BUD13: variants seen among roughly 807,000 people sequenced by gnomAD.
BUD13 encodes the protein BUD13 spliceosome associated protein.
In BUD13, 47 loss-of-function variants were observed where a neutral mutation model predicts 62.5. That is an observed-to-expected ratio of 0.75 (90% confidence interval 0.60 to 0.96). The LOEUF (loss-of-function observed/expected upper bound fraction) is 0.96, where lower values mean the gene tolerates loss of function less well. BUD13 is among the 40% of genes least tolerant of loss of function. BUD13 has a pLI of 0.00. For synonymous variants in BUD13, 293 were observed against 280.1 expected, an observed-to-expected ratio of 1.05 and a Z score of -0.46; for missense variants, 821 against 790.9, an observed-to-expected ratio of 1.04 and a Z score of -0.46.
rs535713411 is a variant in BUD13, at chr11:116,752,068, C to T, written c.1767-3493G>A. On this transcript the variant is annotated intron_variant, in intron 9 of 9. Coordinates refer to ENST00000260210, the MANE Select transcript of BUD13 (RefSeq NM_032725.4). Reference sequence around the variant, plus strand: ...ACGCCATTCTCCTGCCTCAGCCTTCCGAGCAGCTGGGACTACAGGCGCCCG... The same window carrying T: ...ACGCCATTCTCCTGCCTCAGCCTTCTGAGCAGCTGGGACTACAGGCGCCCG... 6.6e-5 allele frequency among the ~76,000 whole-genome samples: 10 copies of T among 152,242 alleles called. No individual in the cohort carries two copies. The South Asian group carries it at 1.9e-3, about 28-fold the overall frequency.
At chr11:116,750,383 G>A (rs943991277) in intron 9 of BUD13, among the ~76,000 whole-genome samples, 2 of 152,148 alleles carry the variant, frequency 1.3e-5, no homozygotes, top group South Asian at 2.1e-4. Context: ...TTCTTAAAAA[G>A]CCTGTATTCA....
Position 116,770,151 on chromosome 11 carries a change from T to G in BUD13, c.215A>C (p.Glu72Ala). The change falls in exon 2 of 10, where the codon GAA (glutamate) becomes GCA (alanine). Residue 72 changes from glutamate to alanine, a missense_variant. By Grantham distance (107) the Glu-to-Ala change is moderately radical. Coordinates refer to ENST00000260210, the MANE Select transcript of BUD13 (RefSeq NM_032725.4). ...TACCACAGGCAAATCTCCATCATCT[T>G]CCTCTTCCTCCTTTTCTAGTTTGGT... ...STTKLEKEEEEDDGDLPVVAE... is the reference protein window; with the variant it reads ...STTKLEKEEEADDGDLPVVAE... The G allele has an allele frequency of 6.2e-7, 1 of 1,613,478 alleles. No homozygotes were observed. The highest frequency in any genetic ancestry group is 8.5e-7 in the Non-Finnish European group (1 of 1,179,688).
Position 116,772,811 on chromosome 11 carries a change from T to TA in BUD13, c.143+10dup. On this transcript the variant is annotated intron_variant, in intron 1 of 9. Transcript: ENST00000260210. ...ACGTCGCAGGCCCCGCCCCGGCCGG[T>TA]ACCAACTCACCCCTTGCCGCCGGCC... The TA allele has an allele frequency of 6.4e-7, 1 of 1,562,194 alleles. No individual in the cohort carries two copies. The highest frequency in any genetic ancestry group is 8.6e-7 in the Non-Finnish European group (1 of 1,158,104).
chr11:116,757,178 G>C lies in BUD13; in HGVS notation c.1734C>G (p.Ile578Met). The C allele has an allele frequency of 6.2e-7, 1 of 1,614,218 alleles. No homozygotes were observed. Among genetic ancestry groups the C allele is most frequent in the Non-Finnish European group, 8.5e-7 (1 of 1,180,028 alleles). Residue 578 changes from isoleucine (I) to methionine (M), a missense_variant, in exon 9 of 10, where the codon ATC becomes ATG. This residue lies in a region of BUD13 where 800 missense variants were observed against 739.2 expected (regional missense o/e 1.08). Coordinates refer to ENST00000260210, the MANE Select transcript of BUD13 (RefSeq NM_032725.4). ...CTCCGTCCCAGCGATATCCAGGCCA[G>C]ATATTAAATCTGTTGGGAGGAGGTG... ...GPAPPPNRFNIWPGYRWDGVD... is the reference protein window; with the variant it reads ...GPAPPPNRFNMWPGYRWDGVD...
chr11:116,748,722 T>A (rs1382602836), intron 9 of BUD13, 147 bp from the exon 10 acceptor site: 1 of 825,132 alleles, frequency 1.2e-6, no homozygotes, highest in Non-Finnish European at 1.9e-6. Context: ...GCACGGCGGC[T>A]CACGCCTGTA....
In BUD13 at chr11:116,765,468, A is replaced by G. The variant is rs372174445; in HGVS notation, c.238-22T>C. The G allele has an allele frequency of 6.0e-5, 97 of 1,613,428 alleles. No homozygotes were observed. In the African/African-American group the frequency reaches 1.0e-3, roughly 17 times the overall value. ...CCACCTGTGAGAGTAAAGATTTCCT[A>G]TCTTAGGAAATCCACAGGATCCAGC... On this transcript the variant is annotated intron_variant, in intron 2 of 9. Transcript: ENST00000260210.
intron 6 of BUD13, among the ~76,000 whole-genome samples, 182 bp downstream of exon 6, chr11:116,758,892 G>A (rs972270821): frequency 8.6e-5 from 13 of 151,904 alleles, no homozygotes; most frequent in African/African-American, 2.7e-4. Flanking sequence ...GCGCCTGGGC[G>A]AAATGGCATT....
intron 1 of BUD13, among the ~76,000 whole-genome samples, chr11:116,771,098 A>C (rs1434162754): frequency 6.6e-6 from 1 of 152,184 alleles, no homozygotes. Context: ...ACTCTTCCTC[A>C]TTCTTCAGGT....
intron 2 of BUD13, among the ~76,000 whole-genome samples, chr11:116,769,147 G>C (rs985837844): frequency 2.0e-5 from 3 of 151,952 alleles, no homozygotes; most frequent in Non-Finnish European, 4.4e-5. Flanking sequence ...GAAATTCTCA[G>C]CAATGGTTTC....
chr11:116,758,490 T>C, intron 6 of BUD13, 83 bp from the exon 7 acceptor site: 2 of 1,462,238 alleles, frequency 1.4e-6, no homozygotes, highest in Non-Finnish European at 1.8e-6. Context: ...CTTGGGATTC[T>C]AATGCTAGAT....
chr11:116,763,247 G>C lies in BUD13; in HGVS notation c.342C>G (p.Pro114=), dbSNP rs972709697. 1 of 1,540,770 alleles carries C rather than the reference G, an allele frequency of 6.5e-7. No homozygotes were observed. The highest frequency in any genetic ancestry group is 8.7e-7 in the Non-Finnish European group (1 of 1,144,154). The change falls in exon 4 of 10, where the codon CCC becomes CCG. Residue 114 remains proline (P), a synonymous_variant. Coordinates refer to ENST00000260210, the MANE Select transcript of BUD13 (RefSeq NM_032725.4). ...TATCGTGACGAAAATGTCTGTTTGA[G>C]GGTAGGTCTTCGTTGTGGCCTAAAC... ...KLLGGHNEDL[P]SNRHFRHDTP...
intron 7 of BUD13, 82 bp from the exon 8 acceptor site, chr11:116,758,032 T>G: frequency 6.5e-7 from 1 of 1,543,210 alleles, no homozygotes; most frequent in Middle Eastern, 2.3e-4. Context: ...CTGCTAAGTT[T>G]GGACAATCTC....
rs772578556 is a variant in BUD13, at chr11:116,759,084, C to T, written c.1350G>A (p.Met450Ile). 1.2e-6 allele frequency: 2 copies of T among 1,613,460 alleles called. No individual in the cohort carries two copies. The highest frequency in any genetic ancestry group is 1.1e-5 in the South Asian group (1 of 91,052). The change falls in exon 6 of 10, where the codon ATG becomes ATA. Residue 450 changes from methionine (M) to isoleucine (I), a missense_variant. Met to Ile is a conservative substitution (Grantham distance 10). Transcript: ENST00000260210. ...CTTTCATATTTTTACCTTCAAATGC[C>T]ATGGTTTCTTGATCCTGTTCCTTGA... Reference protein sequence around the residue: ...QELKEQDQETMAFEAEFQYAE... With the variant: ...QELKEQDQETIAFEAEFQYAE...
chr11:116,754,095 G>C (rs1008834162), intron 9 of BUD13, among the ~76,000 whole-genome samples: 11 of 152,218 alleles, frequency 7.2e-5, no homozygotes, highest in Middle Eastern at 3.4e-3. Flanking sequence ...ATCCAGGCTG[G>C]AGTGCAGTGG....
In BUD13 at chr11:116,760,840, G is replaced by A. The variant is rs1349640068; in HGVS notation, c.1149C>T (p.His383=). Residue 383 remains histidine (H), a synonymous_variant, in exon 5 of 10, where the codon CAC becomes CAT. Coordinates refer to ENST00000260210, the MANE Select transcript of BUD13 (RefSeq NM_032725.4). ...DLSPPRNRPR[H]RSSDSDLSPP... ...GAGAGAGGTCAGAATCAGAGCTCCG[G>A]TGTCTAGGTCTATTCCGTGGAGGTG... 1.9e-6 allele frequency: 3 copies of A among 1,614,088 alleles called. No homozygotes were observed. The highest frequency in any genetic ancestry group is 1.7e-5 in the Admixed American group (1 of 60,014).
At chr11:116,765,234 C>T in intron 3 of BUD13, 128 bp downstream of exon 3, 1 of 968,010 alleles carries the variant, frequency 1.0e-6, no homozygotes, top group Admixed American at 2.4e-5. Flanking sequence ...TTCCTTTTTC[C>T]TGCTTTATTT....
At chr11:116,766,999 G>A (rs1004700894) in intron 2 of BUD13, among the ~76,000 whole-genome samples, 2 of 151,046 alleles carry the variant, frequency 1.3e-5, no homozygotes, top group African/African-American at 4.9e-5. Flanking sequence ...ACCAGCCTAG[G>A]CAACACGGTG....
chr11:116,758,296 T>G lies in BUD13; in HGVS notation c.1472A>C (p.Asp491Ala). 1 of 1,614,192 alleles carries G rather than the reference T, an allele frequency of 6.2e-7. No individual in the cohort carries two copies. Among genetic ancestry groups the G allele is most frequent in the Non-Finnish European group, 8.5e-7 (1 of 1,180,030 alleles). ...TTTTCCCCACTGGGCATACAGCTCA[T>G]CTCTCTCTGAGTCCTTTTCTGCTTT... Reference protein sequence around the residue: ...RRKAEKDSERDELYAQWGKGL... With the variant: ...RRKAEKDSERAELYAQWGKGL... Residue 491 changes from aspartate to alanine, a missense_variant, in exon 7 of 10, where the codon GAT (aspartate) becomes GCT (alanine). Physicochemically the swap from Asp to Ala is moderately radical, Grantham distance 126. Transcript: ENST00000260210.
At chr11:116,763,362 C>A in intron 3 of BUD13, 96 bp from the exon 4 acceptor site, 1 of 1,148,166 alleles carries the variant, frequency 8.7e-7, no homozygotes, top group Non-Finnish European at 1.2e-6. Flanking sequence ...GTAGCACATA[C>A]CTCAGAACTG....
Sources: gnomAD v4.1 joint callset for allele counts (sites outside exome capture counted in the v4.1 genomes callset) on GRCh38, gnomAD v4.1.1 for gene constraint, gnomAD v4.1.1 regional missense constraint, MANE v1.5 for transcripts, NCBI Gene and HGNC (gene_info 2026-07-23, HGNC 2026-07-21) for gene names.